Variants in FHIT observed in about 807,000 individuals in gnomAD.
FHIT encodes fragile histidine triad diadenosine triphosphatase.
In FHIT, 19 loss-of-function variants were observed where a neutral mutation model predicts 17.9. The ratio of observed to expected loss-of-function variants is 1.06; its 90% confidence interval spans 0.74 to 1.56. The LOEUF (loss-of-function observed/expected upper bound fraction) is 1.56. Ranked by LOEUF, FHIT falls within the 40% of genes most tolerant of loss-of-function variation. The pLI, the probability that FHIT is intolerant of heterozygous loss-of-function variation, is 0.00. For synonymous variants in FHIT, 81 were observed against 69.7 expected, an observed-to-expected ratio of 1.16 and a Z score of -0.81; for missense variants, 248 against 189.2, an observed-to-expected ratio of 1.31 and a Z score of -1.82.
intron 2 of FHIT, among the ~76,000 whole-genome samples, chr3:61,192,028 T>A (rs115753342): frequency 0.012 from 1,835 of 152,174 alleles, 43 homozygotes; most frequent in African/African-American, 0.042. Context: ...AAGGGACATA[T>A]AAGAACAGAT....
chr3:61,054,172 G>GA (rs1250120994), intron 2 of FHIT, among the ~76,000 whole-genome samples: 1 of 152,086 alleles, frequency 6.6e-6, no homozygotes, highest in Non-Finnish European at 1.5e-5. Flanking sequence ...ATCCCAACAG[G>GA]AAAAACACTT....
At chr3:60,827,890 T>TCA (rs1377753370) in intron 3 of FHIT, among the ~76,000 whole-genome samples, 13 of 152,206 alleles carry the variant, frequency 8.5e-5, no homozygotes, top group Non-Finnish European at 1.9e-4. Context: ...TTTTGGGTTG[T>TCA]CACAGGGTAA....
chr3:60,964,973 G>A (rs1210777910), intron 3 of FHIT, among the ~76,000 whole-genome samples: 1 of 152,090 alleles, frequency 6.6e-6, no homozygotes, highest in Non-Finnish European at 1.5e-5. Context: ...TTTGAATGTT[G>A]GCCTGCCTTG....
intron 8 of FHIT, among the ~76,000 whole-genome samples, chr3:59,832,453 G>A (rs746704719): frequency 5.3e-5 from 8 of 152,078 alleles, no homozygotes; most frequent in Non-Finnish European, 1.2e-4. Context: ...GTCTGGCTTG[G>A]TTATGTGACT....
intron 4 of FHIT, among the ~76,000 whole-genome samples, chr3:60,678,323 G>A (rs1405819370): frequency 2.6e-5 from 4 of 151,890 alleles, no homozygotes; most frequent in African/African-American, 9.7e-5. Flanking sequence ...TGCATATTTT[G>A]GCATACAAAA....
chr3:61,242,129 C>A (rs918919523), intron 1 of FHIT, among the ~76,000 whole-genome samples: 2 of 152,062 alleles, frequency 1.3e-5, no homozygotes, highest in African/African-American at 4.8e-5. Context: ...TATAAATACT[C>A]AAATATAACT....
chr3:60,125,659 T>C (rs1705511109), intron 5 of FHIT, among the ~76,000 whole-genome samples: 1 of 140,236 alleles, frequency 7.1e-6, no homozygotes, highest in Non-Finnish European at 1.6e-5. Context: ...TGTGTATGTG[T>C]TTGTGTATAT....
intron 5 of FHIT, among the ~76,000 whole-genome samples, chr3:60,286,638 T>C (rs938498766): frequency 2.0e-5 from 3 of 152,168 alleles, no homozygotes; most frequent in Non-Finnish European, 4.4e-5. Flanking sequence ...CTTAATCTAC[T>C]ATAGCAACCA....
intron 5 of FHIT, among the ~76,000 whole-genome samples, chr3:60,357,142 G>C (rs950735402): frequency 3.9e-5 from 6 of 152,178 alleles, no homozygotes; most frequent in African/African-American, 1.4e-4. Context: ...AAGTGATTAA[G>C]AAACTCCGGA....
At chr3:59,869,466 C>G (rs1161865369) in intron 8 of FHIT, among the ~76,000 whole-genome samples, 1 of 138,986 alleles carries the variant, frequency 7.2e-6, no homozygotes, top group East Asian at 2.0e-4. Flanking sequence ...ATTATTCCAT[C>G]TTTCCTTAAA....
At chr3:60,761,051 A>T (rs1553719703) in intron 4 of FHIT, among the ~76,000 whole-genome samples, 4 of 152,196 alleles carry the variant, frequency 2.6e-5, no homozygotes, top group African/African-American at 7.2e-5. Context: ...AGTATGTAAA[A>T]GCCCAGCTCC....
chr3:60,300,021 T>C (rs74936484), intron 5 of FHIT, among the ~76,000 whole-genome samples: 6,525 of 152,170 alleles, frequency 0.043, 478 homozygotes, highest in African/African-American at 0.15. Context: ...TAAGGGTTAC[T>C]AGCTTCTTTA....
chr3:59,783,801 T>C (rs754293448), intron 8 of FHIT, among the ~76,000 whole-genome samples: 1 of 151,856 alleles, frequency 6.6e-6, no homozygotes, highest in Non-Finnish European at 1.5e-5. Flanking sequence ...ACCCCACCAG[T>C]GAAAAACCAA....
intron 5 of FHIT, among the ~76,000 whole-genome samples, chr3:60,330,907 G>GA (rs1214601186): frequency 6.6e-6 from 1 of 152,196 alleles, no homozygotes; most frequent in Non-Finnish European, 1.5e-5. Flanking sequence ...TTTTAAAGCA[G>GA]AAGCTCCCAA....
chr3:59,907,316 T>C (rs1457798148), intron 8 of FHIT, among the ~76,000 whole-genome samples: 1 of 152,204 alleles, frequency 6.6e-6, no homozygotes, highest in African/African-American at 2.4e-5. Context: ...AGGCTAATAT[T>C]TCAAAGTAAT....
chr3:60,265,070 A>G (rs535229160), intron 5 of FHIT, among the ~76,000 whole-genome samples: 1 of 151,938 alleles, frequency 6.6e-6, no homozygotes, highest in African/African-American at 2.4e-5. Context: ...CCTCTAGCTT[A>G]ATATGAACCT....
chr3:60,905,000 T>G (rs1553764165), intron 3 of FHIT, among the ~76,000 whole-genome samples: 2 of 149,804 alleles, frequency 1.3e-5, no homozygotes, highest in South Asian at 2.1e-4. Context: ...GAAAAACAAG[T>G]AGTTCACAGA....
intron 5 of FHIT, among the ~76,000 whole-genome samples, chr3:60,121,125 T>C (rs9882623): frequency 0.29 from 43,601 of 151,900 alleles, 6,651 homozygotes; most frequent in Non-Finnish European, 0.34. Flanking sequence ...TACTAAACCA[T>C]TTAAGAAGTG....
At chr3:59,810,388 T>C (rs1375681910) in intron 8 of FHIT, among the ~76,000 whole-genome samples, 1 of 152,216 alleles carries the variant, frequency 6.6e-6, no homozygotes. Flanking sequence ...ATGAAATGTC[T>C]GCAAGGGCAG....
Sources: gnomAD v4.1 joint callset for allele counts (sites outside exome capture counted in the v4.1 genomes callset) on GRCh38, gnomAD v4.1.1 for gene constraint, MANE v1.5 for transcripts, NCBI Gene and HGNC (gene_info 2026-07-23, HGNC 2026-07-21) for gene names.